The following SLCO5A1 variants were observed in gnomAD, a reference collection of about 807,000 sequenced individuals.
SLCO5A1 encodes the protein solute carrier organic anion transporter family member 5A1, also known as organic anion transporter polypeptide-related protein 4.
Under a neutral mutation model 65.1 loss-of-function variants are expected in SLCO5A1, and 39 were observed. The ratio of observed to expected loss-of-function variants is 0.60; its 90% CI spans 0.46 to 0.78. SLCO5A1 has a LOEUF of 0.78. Among genes scored for constraint, SLCO5A1 ranks in the 30% least tolerant of loss-of-function variants. The probability of loss-of-function intolerance (pLI) is 0.00; values close to 1 mark genes in which losing one functional copy is unlikely to be tolerated. For synonymous variants in SLCO5A1, 438 were observed against 415.7 expected (o/e 1.05, Z -0.65); for missense variants, 1,029 against 1,069.4 (o/e 0.96, Z 0.53).
intron 2 of SLCO5A1, among the ~76,000 whole-genome samples, chr8:69,787,383 T>G (rs1157603151): frequency 6.6e-6 from 1 of 152,244 alleles, no homozygotes; most frequent in Non-Finnish European, 1.5e-5. Context: ...ACAGCCCTAG[T>G]TATCAGCATC....
Position 69,672,947 on chromosome 8 carries a change from C to A in SLCO5A1, c.2469G>T (p.Gly823=). 6.2e-7 allele frequency: 1 copy of A among 1,614,214 alleles called. No individual in the cohort carries two copies. The highest frequency in any genetic ancestry group is 8.5e-7 in the Non-Finnish European group (1 of 1,180,042). ...GIQCAAQTYP[G]PFPEAISSSA... The stretch of plus-strand genomic sequence containing the variant: ...AGGAACTTATTGCTTCTGGGAAGGG[C>A]CCCGGGTAGGTCTGTGCTGCGCACT... Residue 823 remains glycine (G), a synonymous_variant, in exon 10 of 10, where the codon GGG becomes GGT. Transcript: ENST00000260126.
intron 5 of SLCO5A1, among the ~76,000 whole-genome samples, chr8:69,705,949 T>C (rs1814950735): frequency 6.6e-6 from 1 of 152,216 alleles, no homozygotes; most frequent in South Asian, 2.1e-4. Context: ...ATCTATACCC[T>C]GAAGAAACTT....
chr8:69,796,690 T>A (rs893063880), intron 2 of SLCO5A1, among the ~76,000 whole-genome samples: 3 of 151,638 alleles, frequency 2.0e-5, no homozygotes, highest in African/African-American at 4.8e-5. Context: ...TATATACGTG[T>A]GTATGTATAT....
chr8:69,801,268 AG>A (rs1819724024), intron 2 of SLCO5A1, among the ~76,000 whole-genome samples: 1 of 152,248 alleles, frequency 6.6e-6, no homozygotes, highest in Non-Finnish European at 1.5e-5. Flanking sequence ...TTAAATTAGT[AG>A]AGCTGTAAAG....
At chr8:69,740,481 G>A (rs1341430862) in intron 4 of SLCO5A1, among the ~76,000 whole-genome samples, 1 of 152,184 alleles carries the variant, frequency 6.6e-6, no homozygotes, top group African/African-American at 2.4e-5. Context: ...TAGATAAATA[G>A]ATTAGAAGAA....
intron 2 of SLCO5A1, among the ~76,000 whole-genome samples, chr8:69,778,197 G>T (rs1258316002): frequency 2.6e-5 from 4 of 151,846 alleles, no homozygotes; most frequent in Admixed American, 1.3e-4. Flanking sequence ...CAGACAATGG[G>T]GGACTATTGC....
chr8:69,815,986 A>G (rs1820390940), intron 2 of SLCO5A1, among the ~76,000 whole-genome samples: 1 of 152,130 alleles, frequency 6.6e-6, no homozygotes, highest in South Asian at 2.1e-4. Flanking sequence ...TTGTTAGAAG[A>G]CTTCCTTACT....
At chr8:69,703,667 T>C (rs1361937920) in intron 6 of SLCO5A1, among the ~76,000 whole-genome samples, 1 of 152,222 alleles carries the variant, frequency 6.6e-6, no homozygotes, top group Non-Finnish European at 1.5e-5. Flanking sequence ...CCAAATTGCC[T>C]GAGGTTAAGT....
At chr8:69,805,723 C>CCTTCT (rs554130526) in intron 2 of SLCO5A1, among the ~76,000 whole-genome samples, 34 of 152,258 alleles carry the variant, frequency 2.2e-4, no homozygotes, top group Admixed American at 1.6e-3. Flanking sequence ...AAATACAGCC[C>CCTTCT]CTTCTCCCAC....
intron 2 of SLCO5A1, among the ~76,000 whole-genome samples, chr8:69,811,509 G>T (rs951800663): frequency 6.6e-6 from 1 of 152,162 alleles, no homozygotes; most frequent in African/African-American, 2.4e-5. Context: ...GCCCAGCCAA[G>T]AACACTCTGG....
intron 1 of SLCO5A1, 79 bp downstream of exon 1, chr8:69,834,775 C>CACACAT (rs1554533602): frequency 7.6e-5 from 11 of 143,870 alleles, no homozygotes; most frequent in African/African-American, 2.9e-4. Context: ...CACACACACA[C>CACACAT]ACACAGAGCC....
chr8:69,721,806 A>G (rs139185897), intron 5 of SLCO5A1, among the ~76,000 whole-genome samples: 2 of 152,352 alleles, frequency 1.3e-5, no homozygotes, highest in African/African-American at 4.8e-5. Flanking sequence ...TTCCTTTCAA[A>G]GGGTTTACCC....
chr8:69,816,754 T>C (rs1244313745), intron 2 of SLCO5A1, among the ~76,000 whole-genome samples: 1 of 152,192 alleles, frequency 6.6e-6, no homozygotes, highest in Non-Finnish European at 1.5e-5. Context: ...TATTTCTTCT[T>C]TTTAAAATTA....
intron 6 of SLCO5A1, among the ~76,000 whole-genome samples, chr8:69,685,403 C>T (rs1813960247): frequency 6.6e-6 from 1 of 152,174 alleles, no homozygotes; most frequent in South Asian, 2.1e-4. Context: ...GAAGGCTGCC[C>T]TCATCCTTGT....
At chr8:69,681,307 G>A (rs1471527430) in intron 7 of SLCO5A1, among the ~76,000 whole-genome samples, 1 of 152,188 alleles carries the variant, frequency 6.6e-6, no homozygotes, top group African/African-American at 2.4e-5. Flanking sequence ...AAGTAACTGT[G>A]TAGAGGCCGG....
intron 5 of SLCO5A1, among the ~76,000 whole-genome samples, chr8:69,731,706 A>C (rs972670267): frequency 1.3e-5 from 2 of 152,238 alleles, no homozygotes; most frequent in African/African-American, 4.8e-5. Flanking sequence ...TATAATTTTC[A>C]CTTTTTGTTC....
chr8:69,692,228 A>G (rs949091834), intron 6 of SLCO5A1, among the ~76,000 whole-genome samples: 5 of 152,240 alleles, frequency 3.3e-5, no homozygotes, highest in Non-Finnish European at 7.3e-5. Flanking sequence ...CAGCGTGGGC[A>G]ACAGAGTGAG....
chr8:69,758,332 G>A (rs542673000), intron 3 of SLCO5A1, among the ~76,000 whole-genome samples: 4 of 152,076 alleles, frequency 2.6e-5, no homozygotes, highest in South Asian at 4.2e-4. Context: ...GACTACAGGC[G>A]CAGTGGCTAA....
intron 2 of SLCO5A1, among the ~76,000 whole-genome samples, chr8:69,805,324 T>A (rs1819945284): frequency 6.6e-6 from 1 of 152,096 alleles, no homozygotes; most frequent in Non-Finnish European, 1.5e-5. Context: ...TGCTACTGAA[T>A]CCCCTGAAAT....
Sources: allele counts gnomAD v4.1 joint callset (sites outside exome capture counted in the v4.1 genomes callset), GRCh38; gene constraint gnomAD v4.1.1; transcripts MANE v1.5; gene names NCBI Gene and HGNC (gene_info 2026-07-23, HGNC 2026-07-21).